The following CSPP1 variants were observed in gnomAD, a reference collection of about 807,000 sequenced individuals.
The protein encoded by CSPP1 is centrosome and spindle pole-associated protein 1.
Under a neutral mutation model 164.4 loss-of-function variants are expected in CSPP1, and 126 were observed. The ratio of observed to expected loss-of-function variants is 0.77; its 90% confidence interval spans 0.66 to 0.89. The LOEUF (loss-of-function observed/expected upper bound fraction) is 0.89. Among genes scored for constraint, CSPP1 ranks in the 40% least tolerant of loss-of-function variants. The pLI, the probability that CSPP1 is intolerant of heterozygous loss-of-function variation, is 0.00. For missense variants in CSPP1, 1,395 were observed against 1,449.8 expected, an observed-to-expected ratio of 0.96 and a Z score of 0.61; for synonymous variants, 472 against 476.7, an observed-to-expected ratio of 0.99 and a Z score of 0.13.
intron 17 of CSPP1, among the ~76,000 whole-genome samples, chr8:67,142,974 A>T (rs1190042906): frequency 6.6e-6 from 1 of 152,194 alleles, no homozygotes; most frequent in South Asian, 2.1e-4. Flanking sequence ...CCCTGACGTT[A>T]ACGTCTTAGA....
chr8:67,159,914 T>TCC (rs1827674191), intron 21 of CSPP1, among the ~76,000 whole-genome samples: 2 of 62,998 alleles, frequency 3.2e-5, no homozygotes, highest in Non-Finnish European at 6.2e-5. Flanking sequence ...CTTTCTTTCT[T>TCC]TCTTTCTTTC....
rs1823708361 is a variant in CSPP1 at position 67,142,502 on chromosome 8, T to C, written c.1975+4899T>C. ...TGTTGTTACATATGTCAGTAGCTTA[T>C]TTTTTTTATTACTGAATAGTATTAC... On this transcript the variant is annotated intron_variant, in intron 17 of 30. Coordinates refer to ENST00000678616, the MANE Select transcript of CSPP1 (RefSeq NM_001382391.1). Among the ~76,000 whole-genome samples, 3 of 152,028 alleles carry C rather than the reference T, an allele frequency of 2.0e-5. No individual in the cohort carries two copies. The South Asian group carries it at 6.2e-4, about 32-fold the overall frequency.
rs759812666 is a variant in CSPP1 at position 67,175,283 on chromosome 8, T to C, written c.2969-13T>C. 2.5e-6 allele frequency: 4 copies of C among 1,594,144 alleles called. No homozygotes were observed. Among genetic ancestry groups the C allele is most frequent in the East Asian group, 2.2e-5 (1 of 44,670 alleles). ...ACATTTAACTTAGTTATATAACATA[T>C]TTTTTATACCAGATTCAGAAACACG... On this transcript the variant is annotated splice_polypyrimidine_tract_variant and intron_variant, in intron 25 of 30. Coordinates refer to ENST00000678616, the MANE Select transcript of CSPP1 (RefSeq NM_001382391.1).
chr8:67,153,956 C>A (rs1393115200), intron 18 of CSPP1, 68 bp from the exon 19 acceptor site: 3 of 660,108 alleles, frequency 4.5e-6, no homozygotes, highest in Admixed American at 2.7e-5. Context: ...GCAAACTGTT[C>A]ATTCTTTAAC....
chr8:67,140,894 A>G (rs1823358436), intron 17 of CSPP1, among the ~76,000 whole-genome samples: 1 of 152,182 alleles, frequency 6.6e-6, no homozygotes, highest in African/African-American at 2.4e-5. Flanking sequence ...GTGGAGGAAG[A>G]TCATTTTTGC....
At chr8:67,145,717 G>A (rs1318853529) in intron 17 of CSPP1, among the ~76,000 whole-genome samples, 2 of 151,624 alleles carry the variant, frequency 1.3e-5, no homozygotes, top group Non-Finnish European at 2.9e-5. Flanking sequence ...TAGTAGAGAC[G>A]GGGTTTCACC....
At position 67,103,085 on chromosome 8, in the gene CSPP1, G is replaced by C. The variant is rs750069772; in HGVS notation, c.972G>C (p.Gly324=). The change falls in exon 8 of 31, where the codon GGG becomes GGC. Residue 324 remains glycine, a synonymous_variant. Transcript: ENST00000678616. Reference sequence around the variant, plus strand: ...ATATGCCTCCTATGGAACATGATGGGGATGTTATAGAACAGTCAAACATAA... The same window carrying C: ...ATATGCCTCCTATGGAACATGATGGCGATGTTATAGAACAGTCAAACATAA... ...RGNMPPMEHD[G]DVIEQSNIRI... 5.0e-6 allele frequency: 8 copies of C among 1,611,618 alleles called. No individual in the cohort carries two copies. The East Asian group carries it at 1.6e-4, about 31-fold the overall frequency.
chr8:67,113,863 G>A lies in CSPP1; in HGVS notation c.1245+1G>A, dbSNP rs752889036. The A allele has an allele frequency of 2.6e-6, 4 of 1,563,446 alleles. No homozygotes were observed. The highest frequency in any genetic ancestry group is 3.5e-6 in the Non-Finnish European group (4 of 1,140,958). On this transcript the variant is annotated splice_donor_variant, in intron 11 of 30. Coordinates refer to ENST00000678616, the MANE Select transcript of CSPP1 (RefSeq NM_001382391.1). LOFTEE classifies it high-confidence loss of function. ...TGGAGCACAAGACCCTGAGAAATCG[G>A]TAAGGGTTTCTGGCATCTTTTAATG...
intron 5 of CSPP1, 139 bp from the exon 6 acceptor site, chr8:67,093,404 C>G (rs946265612): frequency 3.5e-6 from 2 of 578,250 alleles, no homozygotes; most frequent in Non-Finnish European, 6.1e-6. Context: ...GACATCTGTC[C>G]TTGAAATTAT....
At position 67,104,845 on chromosome 8, in the gene CSPP1, A is replaced by G. The variant is rs1226772125; in HGVS notation, c.1023-1060A>G. ...AGTAGTGATGGGATTTCACCATGTT[A>G]GCCAGGCTGGTCTCGAACTCCTGAC... On this transcript the variant is annotated intron_variant, in intron 8 of 30. Transcript: ENST00000678616. Among the ~76,000 whole-genome samples the G allele has an allele frequency of 8.1e-5, 12 of 148,742 alleles. No individual in the cohort carries two copies. The East Asian group carries it at 2.4e-3, about 30-fold the overall frequency.
intron 20 of CSPP1, 117 bp from the exon 21 acceptor site, chr8:67,158,874 C>T (rs1827173210): frequency 2.1e-6 from 2 of 975,276 alleles, no homozygotes; most frequent in Non-Finnish European, 3.0e-6. Flanking sequence ...TGTTAAAGAA[C>T]ACCATATCAT....
rs967922154 is a variant in CSPP1, at chr8:67,111,969, T to A, written c.1094-3T>A. On this transcript the variant is annotated splice_region_variant and splice_polypyrimidine_tract_variant and intron_variant, in intron 9 of 30. Coordinates refer to ENST00000678616, the MANE Select transcript of CSPP1 (RefSeq NM_001382391.1). ...ATTGTATTTTTCTCATACCACTATC[T>A]AGGAGGTGAAGATCGAGAACTTATT... The A allele has an allele frequency of 1.3e-6, 2 of 1,586,894 alleles. No homozygotes were observed. The highest frequency in any genetic ancestry group is 2.7e-5 in the African/African-American group (2 of 74,148).
intron 17 of CSPP1, among the ~76,000 whole-genome samples, chr8:67,137,992 A>T (rs931700789): frequency 5.9e-5 from 9 of 152,190 alleles, no homozygotes; most frequent in Admixed American, 5.9e-4. Context: ...GATGTAAAAC[A>T]GTTTTGGGAG....
At chr8:67,101,249 A>C (rs770121186) in intron 7 of CSPP1, among the ~76,000 whole-genome samples, 9 of 152,160 alleles carry the variant, frequency 5.9e-5, no homozygotes, top group Non-Finnish European at 7.3e-5. Context: ...TCCTGAAGAA[A>C]AGCAAATGTT....
Position 67,175,414 on chromosome 8 carries a change from A to G in CSPP1, c.3087A>G (p.Ile1029Met). The change falls in exon 26 of 31, where the codon ATA becomes ATG. Residue 1029 changes from isoleucine to methionine, a missense_variant. Physicochemically the swap from Ile to Met is conservative, Grantham distance 10 (BLOSUM62 1). Transcript: ENST00000678616. ...AGCAGCAGAAGAGGCTGAACAGAATAAAAATGCAGGAAGGTGCCAAAGGTA... is the reference window on the plus strand; with the variant it reads ...AGCAGCAGAAGAGGCTGAACAGAATGAAAATGCAGGAAGGTGCCAAAGGTA... ...LREQQKRLNRIKMQEGAKVDL... is the reference protein window; with the variant it reads ...LREQQKRLNRMKMQEGAKVDL... 6.2e-7 allele frequency: 1 copy of G among 1,614,190 alleles called. No homozygotes were observed. The highest frequency in any genetic ancestry group is 8.5e-7 in the Non-Finnish European group (1 of 1,180,004).
intron 24 of CSPP1, among the ~76,000 whole-genome samples, chr8:67,166,372 A>G (rs907952400): frequency 2.0e-5 from 3 of 152,232 alleles, no homozygotes; most frequent in African/African-American, 7.2e-5. Flanking sequence ...GTCTATTTGT[A>G]TACATATTAA....
In CSPP1 at chr8:67,121,844, T is replaced by G. The variant is rs1819042003; in HGVS notation, c.1697+3023T>G. Among the ~76,000 whole-genome samples the G allele has an allele frequency of 3.9e-5, 6 of 152,240 alleles. 1 individual carries two copies. In the South Asian group the frequency reaches 1.2e-3, roughly 32 times the overall value. On this transcript the variant is annotated intron_variant, in intron 15 of 30. Coordinates refer to ENST00000678616, the MANE Select transcript of CSPP1 (RefSeq NM_001382391.1). ...ATTCAGTCTCTTTAGTAACTAGTTA[T>G]ATAGGTCTATTCAGATTTTCTTTTT...
chr8:67,144,919 A>G (rs1054817636), intron 17 of CSPP1, among the ~76,000 whole-genome samples: 1 of 152,008 alleles, frequency 6.6e-6, no homozygotes, highest in South Asian at 2.1e-4. Context: ...AAAAAAAAAA[A>G]AAATTAGCTG....
At chr8:67,086,908 T>C in intron 4 of CSPP1, 1 of 918,666 alleles carries the variant, frequency 1.1e-6, no homozygotes, top group South Asian at 1.4e-5. Flanking sequence ...TTTTTTACGA[T>C]CTAGAAGGTT....
Sources: allele counts gnomAD v4.1 joint callset (sites outside exome capture counted in the v4.1 genomes callset), GRCh38; gene constraint gnomAD v4.1.1; transcripts MANE v1.5; gene names NCBI Gene and HGNC (gene_info 2026-07-23, HGNC 2026-07-21).